Variants in PELI1 observed in about 807,000 individuals in gnomAD.
PELI1 encodes the protein pellino E3 ubiquitin protein ligase 1.
In PELI1, 15 loss-of-function variants were observed where a neutral mutation model predicts 41.3. The ratio of observed to expected loss-of-function variants is 0.36; its 90% CI spans 0.24 to 0.56. PELI1 has a LOEUF of 0.56. Ranked by LOEUF, PELI1 falls within the 20% of genes least tolerant of loss-of-function variation. The pLI is 0.82. For synonymous variants in PELI1, 178 were observed against 180.1 expected (o/e 0.99, Z 0.09); for missense variants, 403 against 525.5 (o/e 0.77, Z 2.28).
chr2:64,104,017 A>G (rs975392028), intron 3 of PELI1, among the ~76,000 whole-genome samples: 1 of 152,230 alleles, frequency 6.6e-6, no homozygotes, highest in African/African-American at 2.4e-5. Context: ...GAAAAGCCCA[A>G]GTATCCTGAA....
chr2:64,100,743 T>A (rs1680399188), intron 3 of PELI1, among the ~76,000 whole-genome samples: 1 of 152,100 alleles, frequency 6.6e-6, no homozygotes, highest in Non-Finnish European at 1.5e-5. Flanking sequence ...TCTTTTTTTT[T>A]AAAGACAGAG....
rs143316795 is a variant in PELI1, at chr2:64,113,882, T to C, written c.-69-5503A>G. On this transcript the variant is annotated intron_variant, in intron 1 of 6. Coordinates refer to ENST00000358912, the MANE Select transcript of PELI1 (RefSeq NM_020651.4). The stretch of plus-strand genomic sequence containing the variant: ...AAAAACTGAGAAATCAATCTTTGTC[T>C]CTCAACCTAACAAATGTTTTCTTTC... Among the ~76,000 whole-genome samples the C allele has an allele frequency of 8.5e-4, 129 of 152,244 alleles. 1 individual carries two copies. The highest frequency in any genetic ancestry group is 2.9e-3 in the Admixed American group (45 of 15,282).
intron 1 of PELI1, among the ~76,000 whole-genome samples, chr2:64,119,968 C>G (rs1276702282): frequency 6.6e-6 from 1 of 152,164 alleles, no homozygotes; most frequent in Non-Finnish European, 1.5e-5. Context: ...TTAAGTGAAA[C>G]TGATTTTTGT....
intron 1 of PELI1, among the ~76,000 whole-genome samples, chr2:64,141,304 G>GC (rs766850456): frequency 0.096 from 7,486 of 77,798 alleles, 242 homozygotes; most frequent in Middle Eastern, 0.12. Context: ...CATGTTTCCC[G>GC]CCCCCACCCC....
chr2:64,102,334 A>G (rs955780022), intron 3 of PELI1, among the ~76,000 whole-genome samples: 2 of 152,094 alleles, frequency 1.3e-5, no homozygotes, highest in African/African-American at 4.8e-5. Context: ...ATATATACAT[A>G]TATATATACA....
intron 4 of PELI1, 98 bp downstream of exon 4, chr2:64,100,300 T>C (rs56030181): frequency 2.1e-3 from 1,405 of 676,178 alleles, no homozygotes; most frequent in Non-Finnish European, 2.9e-3. Flanking sequence ...AAATACAATA[T>C]AAAAATCTGA....
chr2:64,100,942 C>A (rs1294342262), intron 3 of PELI1, among the ~76,000 whole-genome samples: 1 of 152,054 alleles, frequency 6.6e-6, no homozygotes. Flanking sequence ...GTTGCCCAGG[C>A]TGGTCTTGAA....
chr2:64,120,123 C>T (rs1188089338), intron 1 of PELI1, among the ~76,000 whole-genome samples: 1 of 152,140 alleles, frequency 6.6e-6, no homozygotes, highest in Non-Finnish European at 1.5e-5. Context: ...CTCATGAATA[C>T]GGAGGAACTA....
At chr2:64,114,421 T>G (rs932405643) in intron 1 of PELI1, among the ~76,000 whole-genome samples, 1 of 152,130 alleles carries the variant, frequency 6.6e-6, no homozygotes. Context: ...GGAGAAATAA[T>G]GGTGTGCAGT....
At chr2:64,118,711 T>C (rs1363407390) in intron 1 of PELI1, among the ~76,000 whole-genome samples, 1 of 152,178 alleles carries the variant, frequency 6.6e-6, no homozygotes, top group Non-Finnish European at 1.5e-5. Flanking sequence ...TGACTGTCAA[T>C]ATTTTTAACA....
chr2:64,131,762 A>C (rs921074162), intron 1 of PELI1, among the ~76,000 whole-genome samples: 4 of 152,070 alleles, frequency 2.6e-5, no homozygotes, highest in African/African-American at 7.2e-5. Context: ...CTCAGATTAC[A>C]GGCACACACC....
chr2:64,141,380 A>G (rs1216419654), intron 1 of PELI1, among the ~76,000 whole-genome samples: 1 of 148,132 alleles, frequency 6.8e-6, no homozygotes, highest in Non-Finnish European at 1.5e-5. Flanking sequence ...TAATATTTAC[A>G]GTTAAATATA....
Position 64,125,944 on chromosome 2 carries a change from T to C in PELI1, c.-69-17565A>G, listed in dbSNP as rs965492541. Among the ~76,000 whole-genome samples, 26 of 152,308 alleles carry C rather than the reference T, an allele frequency of 1.7e-4. No individual in the cohort carries two copies. In the East Asian group the frequency reaches 3.7e-3, roughly 21 times the overall value. ...GTATAAGGTGTATATGAAACATAAA[T>C]GAATTTTATGGGTCCCATCCCGAAG... On this transcript the variant is annotated intron_variant, in intron 1 of 6. Transcript: ENST00000358912.
At chr2:64,129,751 G>A (rs1361325025) in intron 1 of PELI1, among the ~76,000 whole-genome samples, 4 of 151,964 alleles carry the variant, frequency 2.6e-5, no homozygotes, top group East Asian at 1.9e-4. Flanking sequence ...TAAGACTTAC[G>A]TAAACACCAA....
intron 3 of PELI1, among the ~76,000 whole-genome samples, chr2:64,102,508 G>A (rs1558473728): frequency 6.6e-6 from 1 of 152,128 alleles, no homozygotes; most frequent in Non-Finnish European, 1.5e-5. Flanking sequence ...AAGGAGCTGG[G>A]ACTAACAGGC....
At chr2:64,099,483 T>C (rs1253064841) in intron 4 of PELI1, among the ~76,000 whole-genome samples, 1 of 152,182 alleles carries the variant, frequency 6.6e-6, no homozygotes, top group Non-Finnish European at 1.5e-5. Flanking sequence ...GAAAACATAA[T>C]AAATGCCCAC....
intron 1 of PELI1, among the ~76,000 whole-genome samples, chr2:64,113,586 T>C (rs979544345): frequency 6.6e-6 from 1 of 152,284 alleles, no homozygotes; most frequent in South Asian, 2.1e-4. Context: ...CTCGAAAGCA[T>C]GTTGCTCTCA....
intron 1 of PELI1, chr2:64,143,618 GACA>G (rs1681992155): frequency 6.6e-6 from 1 of 152,176 alleles, no homozygotes; most frequent in African/African-American, 2.4e-5. Context: ...CAGAGATGAT[GACA>G]ACAATCATAA....
At chr2:64,095,829 G>A (rs1238758941) in intron 6 of PELI1, among the ~76,000 whole-genome samples, 1 of 152,182 alleles carries the variant, frequency 6.6e-6, no homozygotes, top group African/African-American at 2.4e-5. Context: ...TTTTAGTAGA[G>A]ACAGGGTTTC....
Sources: allele counts gnomAD v4.1 joint callset (sites outside exome capture counted in the v4.1 genomes callset), GRCh38; gene constraint gnomAD v4.1.1; transcripts MANE v1.5; gene names NCBI Gene and HGNC (gene_info 2026-07-23, HGNC 2026-07-21).